Variants in STAU2 observed in about 807,000 individuals in gnomAD.
STAU2 encodes double-stranded RNA-binding protein Staufen homolog 2.
A neutral mutation model predicts 65.9 loss-of-function variants in STAU2; 20 were observed. The observed-to-expected ratio is 0.30, with a 90% CI of 0.21 to 0.44. The LOEUF (loss-of-function observed/expected upper bound fraction) is 0.44, where lower values mean the gene tolerates loss of function less well. Ranked by LOEUF, STAU2 falls within the 20% of genes least tolerant of loss-of-function variation. The probability of loss-of-function intolerance (pLI) is 1.00; values close to 1 mark genes in which losing one functional copy is unlikely to be tolerated. For missense variants in STAU2, 558 were observed against 683.9 expected (o/e 0.82, Z 2.05); for synonymous variants, 232 against 233.9 (o/e 0.99, Z 0.07).
intron 6 of STAU2, among the ~76,000 whole-genome samples, chr8:73,626,074 TAC>T (rs57076627): frequency 0.02 from 2,940 of 145,572 alleles, 57 homozygotes; most frequent in African/African-American, 0.054. Context: ...TAAGTACACA[TAC>T]ACACACACAC....
intron 9 of STAU2, among the ~76,000 whole-genome samples, chr8:73,607,939 G>A (rs553730780): frequency 8.6e-4 from 131 of 152,088 alleles, no homozygotes; most frequent in African/African-American, 3.1e-3. Context: ...CAGATTACAC[G>A]TTACACTAAA....
At chr8:73,473,073 T>C (rs1441130334) in intron 13 of STAU2, among the ~76,000 whole-genome samples, 5 of 152,178 alleles carry the variant, frequency 3.3e-5, no homozygotes, top group Non-Finnish European at 5.9e-5. Flanking sequence ...CACGCCAGCA[T>C]GAAGGAGGAA....
At chr8:73,484,948 A>G (rs16938681) in intron 13 of STAU2, among the ~76,000 whole-genome samples, 16,857 of 151,964 alleles carry the variant, frequency 0.11, 1,612 homozygotes, top group African/African-American at 0.25. Flanking sequence ...TTAGTTGACA[A>G]TTTTACATCA....
rs188986739 is a variant in STAU2 at position 73,692,695 on chromosome 8, T to C, written c.115-3882A>G. On this transcript the variant is annotated intron_variant, in intron 4 of 14. Coordinates refer to ENST00000524300, the MANE Select transcript of STAU2 (RefSeq NM_001164380.2). The stretch of plus-strand genomic sequence containing the variant: ...AGAAGACCCAGATTTGTGACTGTCA[T>C]GTGAGGTGAGAGCAGTGTTGTGGGA... Among the ~76,000 whole-genome samples, 378 of 152,308 alleles carry C rather than the reference T, an allele frequency of 2.5e-3. 2 individuals carry two copies. Among genetic ancestry groups the C allele is most frequent in the African/African-American group, 8.8e-3 (367 of 41,570 alleles).
intron 13 of STAU2, among the ~76,000 whole-genome samples, chr8:73,544,413 A>G (rs908469621): frequency 8.5e-5 from 13 of 152,220 alleles, no homozygotes; most frequent in African/African-American, 2.7e-4. Flanking sequence ...TCTTTTAAAG[A>G]TAAGTCAGTG....
intron 13 of STAU2, among the ~76,000 whole-genome samples, chr8:73,544,322 T>C (rs892690308): frequency 6.6e-6 from 1 of 152,222 alleles, no homozygotes; most frequent in African/African-American, 2.4e-5. Context: ...CTTTCTATTA[T>C]CAAGTCTGTC....
At chr8:73,473,889 G>C (rs1820175697) in intron 13 of STAU2, among the ~76,000 whole-genome samples, 1 of 152,186 alleles carries the variant, frequency 6.6e-6, no homozygotes, top group Non-Finnish European at 1.5e-5. Context: ...GAGAAAAAAG[G>C]AGATGGAAGA....
intron 13 of STAU2, chr8:73,550,464 T>G (rs1262971551): frequency 6.1e-6 from 6 of 985,770 alleles, no homozygotes; most frequent in Non-Finnish European, 7.2e-6. Flanking sequence ...AGAGCTTGAA[T>G]GCAATTTGTG....
At chr8:73,626,476 T>A (rs187649804) in intron 6 of STAU2, among the ~76,000 whole-genome samples, 4 of 152,254 alleles carry the variant, frequency 2.6e-5, no homozygotes, top group Admixed American at 2.6e-4. Context: ...AGTGGCACAA[T>A]CTGACATGAT....
At chr8:73,524,676 C>T (rs1474288246) in intron 13 of STAU2, among the ~76,000 whole-genome samples, 2 of 152,238 alleles carry the variant, frequency 1.3e-5, no homozygotes, top group East Asian at 3.9e-4. Flanking sequence ...ATAAGAAGGA[C>T]CACTTCCAAA....
At chr8:73,544,387 C>G (rs1403073133) in intron 13 of STAU2, among the ~76,000 whole-genome samples, 1 of 152,172 alleles carries the variant, frequency 6.6e-6, no homozygotes, top group South Asian at 2.1e-4. Flanking sequence ...TTTCTGTTAA[C>G]CAATCATGTC....
At chr8:73,654,664 A>AAAAAAAAAAAAAAAATAT (rs1554556802) in intron 6 of STAU2, among the ~76,000 whole-genome samples, 1 of 122,986 alleles carries the variant, frequency 8.1e-6, no homozygotes, top group Admixed American at 8.8e-5. Context: ...AAAAAAAAGA[A>AAAAAAAAAAAAAAAATAT]CTCTTTTAAT....
intron 1 of STAU2, among the ~76,000 whole-genome samples, chr8:73,741,236 C>T (rs1209635085): frequency 1.4e-5 from 2 of 143,758 alleles, no homozygotes; most frequent in African/African-American, 5.4e-5. Flanking sequence ...ACCCGGGAGG[C>T]GGAGCTTGCA....
chr8:73,728,930 T>G (rs1805843684), intron 3 of STAU2, among the ~76,000 whole-genome samples: 1 of 152,216 alleles, frequency 6.6e-6, no homozygotes. Flanking sequence ...CTTGTCACAC[T>G]GCTCTGGCTA....
At chr8:73,678,837 A>T (rs1818195270) in intron 5 of STAU2, among the ~76,000 whole-genome samples, 2 of 152,308 alleles carry the variant, frequency 1.3e-5, no homozygotes, top group Non-Finnish European at 2.9e-5. Context: ...TACTGCAATC[A>T]GTTGAACAGA....
chr8:73,595,039 A>G, intron 11 of STAU2, 127 bp downstream of exon 11: 2 of 661,352 alleles, frequency 3.0e-6, no homozygotes, highest in South Asian at 5.8e-5. Context: ...TGCTTGGATC[A>G]TCTATCTTTG....
intron 12 of STAU2, among the ~76,000 whole-genome samples, chr8:73,575,550 C>T (rs1809478548): frequency 6.6e-6 from 1 of 151,998 alleles, no homozygotes; most frequent in African/African-American, 2.4e-5. Context: ...TTTTACATGG[C>T]AGATAATAGG....
intron 6 of STAU2, among the ~76,000 whole-genome samples, chr8:73,625,600 G>A (rs1813579683): frequency 1.3e-5 from 2 of 152,174 alleles, no homozygotes; most frequent in African/African-American, 2.4e-5. Flanking sequence ...TTTTAGGAGT[G>A]ATAGATATGT....
intron 6 of STAU2, among the ~76,000 whole-genome samples, chr8:73,630,264 T>C (rs1259431188): frequency 2.6e-5 from 4 of 152,244 alleles, no homozygotes; most frequent in Non-Finnish European, 5.9e-5. Context: ...CATCGGTTAG[T>C]CAGTGTGAAC....
Sources: allele counts gnomAD v4.1 joint callset (sites outside exome capture counted in the v4.1 genomes callset), GRCh38; gene constraint gnomAD v4.1.1; transcripts MANE v1.5; gene names NCBI Gene and HGNC (gene_info 2026-07-23, HGNC 2026-07-21).